The following ANK2 variants were observed in gnomAD, a reference collection of about 807,000 sequenced individuals.
ANK2 encodes the protein ankyrin 2.
In ANK2, 83 loss-of-function variants were observed where a neutral mutation model predicts 360.5. The observed-to-expected ratio is 0.23, with a 90% CI of 0.19 to 0.28. The LOEUF (loss-of-function observed/expected upper bound fraction) is 0.28. Among genes scored for constraint, ANK2 ranks in the 10% least tolerant of loss-of-function variants. The pLI, the probability that ANK2 is intolerant of heterozygous loss-of-function variation, is 1.00. For missense variants in ANK2, 4,201 were observed against 4,795.7 expected (o/e 0.88, Z 3.66); for synonymous variants, 1,740 against 1,759.5 (o/e 0.99, Z 0.28).
At chr4:113,363,157 A>T (rs536536806) in intron 39 of ANK2, among the ~76,000 whole-genome samples, 181 bp from the exon 40 acceptor site, 1 of 152,286 alleles carries the variant, frequency 6.6e-6, no homozygotes, top group South Asian at 2.1e-4. Flanking sequence ...TAGGGGAAAA[A>T]ATCCATAATT....
chr4:113,110,968 G>A (rs2094227620), intron 1 of ANK2, among the ~76,000 whole-genome samples: 1 of 152,040 alleles, frequency 6.6e-6, no homozygotes, highest in Admixed American at 6.6e-5. Flanking sequence ...TGAAAAATAA[G>A]AAAATATTTT....
At chr4:113,051,520 C>T (rs1279813610) in intron 1 of ANK2, among the ~76,000 whole-genome samples, 4 of 152,060 alleles carry the variant, frequency 2.6e-5, no homozygotes, top group Non-Finnish European at 5.9e-5. Context: ...AAACTTGCAT[C>T]CAAAATGAAA....
chr4:112,932,762 C>T (rs2093382175), intron 2 of ANK2, among the ~76,000 whole-genome samples: 1 of 151,804 alleles, frequency 6.6e-6, no homozygotes, highest in Non-Finnish European at 1.5e-5. Context: ...TAGTTTAATA[C>T]TAGAAAACAT....
chr4:113,348,418 A>T, intron 36 of ANK2, 110 bp downstream of exon 36: 1 of 1,161,530 alleles, frequency 8.6e-7, no homozygotes, highest in Non-Finnish European at 1.3e-6. Flanking sequence ...TCTTCTTAGT[A>T]ATTAAAGGGG....
chr4:112,957,940 T>G (rs2031484396), intron 2 of ANK2, among the ~76,000 whole-genome samples: 1 of 146,770 alleles, frequency 6.8e-6, no homozygotes, highest in Non-Finnish European at 1.5e-5. Flanking sequence ...GTAGAGGCGC[T>G]CCTCACATCC....
At chr4:112,863,211 T>A (rs1233658201) in intron 1 of ANK2, among the ~76,000 whole-genome samples, 2 of 152,148 alleles carry the variant, frequency 1.3e-5, no homozygotes, top group African/African-American at 4.8e-5. Context: ...ATATTTAATT[T>A]TAAGTTATAG....
intron 4 of ANK2, 112 bp from the exon 5 acceptor site, chr4:113,232,049 T>C (rs1472734140): frequency 2.6e-6 from 2 of 763,730 alleles, no homozygotes; most frequent in African/African-American, 3.5e-5. Flanking sequence ...ATGTGTATAA[T>C]TTATTCAGTA....
intron 2 of ANK2, among the ~76,000 whole-genome samples, chr4:113,012,087 A>T (rs910774847): frequency 6.6e-6 from 1 of 152,086 alleles, no homozygotes; most frequent in African/African-American, 2.4e-5. Flanking sequence ...ATGCCTTTAC[A>T]CTTGATCCTC....
intron 14 of ANK2, among the ~76,000 whole-genome samples, chr4:113,271,479 G>GACACACACACACAC (rs3059950): frequency 6.0e-4 from 90 of 150,426 alleles, no homozygotes; most frequent in East Asian, 6.0e-3. Flanking sequence ...TGCACGCACA[G>GACACACACACACAC]ACACACACAC....
intron 1 of ANK2, among the ~76,000 whole-genome samples, chr4:113,117,967 C>A (rs991035914): frequency 1.3e-5 from 2 of 152,122 alleles, no homozygotes; most frequent in African/African-American, 4.8e-5. Context: ...GTGCAGTGAG[C>A]TGTGTCTCTG....
At chr4:113,216,891 A>T (rs1467102262) in intron 4 of ANK2, among the ~76,000 whole-genome samples, 1 of 147,690 alleles carries the variant, frequency 6.8e-6, no homozygotes, top group East Asian at 2.0e-4. Flanking sequence ...TTCAAACACT[A>T]TTTTTTTTTT....
At position 112,987,840 on chromosome 4, in the gene ANK2, A is replaced by G. The variant is rs142657857; in HGVS notation, c.21+83326A>G. Reference sequence around the variant, plus strand: ...ACTATAACATATATGTCTATTGCCTAAAGTTTAATGAGAGACATTAAACTT... The same window carrying G: ...ACTATAACATATATGTCTATTGCCTGAAGTTTAATGAGAGACATTAAACTT... On this transcript the variant is annotated intron_variant, in intron 2 of 30. Transcript: ENST00000503271. 6.5e-3 allele frequency among the ~76,000 whole-genome samples: 996 copies of G among 152,254 alleles called. 14 individuals carry two copies. Among genetic ancestry groups the G allele is most frequent in the African/African-American group, 0.021 (881 of 41,550 alleles).
At chr4:112,760,221 C>G in the ANK2 span, among the ~76,000 whole-genome samples, 2 of 142,086 alleles carry the variant, frequency 1.4e-5, no homozygotes, top group Non-Finnish European at 3.0e-5. Context: ...GAGTCTCGCT[C>G]TGTTGTCCGG....
intron 1 of ANK2, among the ~76,000 whole-genome samples, chr4:113,120,404 G>T (rs2154371176): frequency 6.6e-6 from 1 of 152,080 alleles, no homozygotes; most frequent in Non-Finnish European, 1.5e-5. Flanking sequence ...AACAAAAAAT[G>T]GTTAAGTGAT....
At chr4:112,724,639 A>G in the ANK2 span, among the ~76,000 whole-genome samples, 1 of 152,040 alleles carries the variant, frequency 6.6e-6, no homozygotes, top group Admixed American at 6.6e-5. Flanking sequence ...ACAAAACAAA[A>G]CAACCCAGAA....
intron 2 of ANK2, among the ~76,000 whole-genome samples, chr4:113,042,241 G>A (rs1357855109): frequency 1.3e-5 from 2 of 152,066 alleles, no homozygotes; most frequent in South Asian, 2.1e-4. Context: ...TCCAGTTCTA[G>A]GCCTTCAGAC....
intron 2 of ANK2, among the ~76,000 whole-genome samples, chr4:113,042,389 G>A (rs1161185453): frequency 6.6e-6 from 1 of 152,130 alleles, no homozygotes; most frequent in African/African-American, 2.4e-5. Flanking sequence ...CTCAGCCTCT[G>A]CAGTGGTATG....
chr4:113,082,588 C>T (rs925709609), intron 1 of ANK2, among the ~76,000 whole-genome samples: 2 of 152,138 alleles, frequency 1.3e-5, no homozygotes, highest in Admixed American at 6.5e-5. Flanking sequence ...AGTTATAATG[C>T]ACAATTTTAC....
At chr4:113,134,505 A>C (rs1446705888) in intron 1 of ANK2, among the ~76,000 whole-genome samples, 1 of 151,984 alleles carries the variant, frequency 6.6e-6, no homozygotes, top group Non-Finnish European at 1.5e-5. Context: ...ATCCCCCCTT[A>C]TCTTAGTATG....
Sources: allele counts gnomAD v4.1 joint callset (sites outside exome capture counted in the v4.1 genomes callset), GRCh38; gene constraint gnomAD v4.1.1; transcripts MANE v1.5; gene names NCBI Gene and HGNC (gene_info 2026-07-23, HGNC 2026-07-21).